The following SPATA31F3 variants were observed in gnomAD, a reference collection of about 807,000 sequenced individuals.
SPATA31F3 encodes the protein protein SPATA31F3.
At chr9:34,890,462 C>T in the SPATA31F3 span, among the ~76,000 whole-genome samples, 1 of 152,198 alleles carries the variant, frequency 6.6e-6, no homozygotes, top group South Asian at 2.1e-4. Context: ...TGTCATGTCT[C>T]CACTGGGTGT....
At chr9:34,893,131 T>A in the SPATA31F3 span, 1 of 772,388 alleles carries the variant, frequency 1.3e-6, no homozygotes, top group Non-Finnish European at 1.9e-6. Flanking sequence ...GCACACTTCC[T>A]TCCTGAGGAA....
the SPATA31F3 span, chr9:34,892,790 C>G: frequency 1.7e-6 from 1 of 595,148 alleles, no homozygotes; most frequent in Non-Finnish European, 3.0e-6. Flanking sequence ...AGATCTCTGT[C>G]CTCGCTGAAA....
At chr9:34,895,183 GT>G in the SPATA31F3 span, 3 of 397,894 alleles carry the variant, frequency 7.5e-6, no homozygotes, top group Non-Finnish European at 1.3e-5. Context: ...CTTTTTCTGT[GT>G]TCCAATTTTA....
At chr9:34,891,896 A>G in the SPATA31F3 span, among the ~76,000 whole-genome samples, 1 of 152,292 alleles carries the variant, frequency 6.6e-6, no homozygotes, top group East Asian at 1.9e-4. Flanking sequence ...ACTTAGCCTG[A>G]GTCAGATATA....
At chr9:34,892,600 G>A in the SPATA31F3 span, 1 of 444,974 alleles carries the variant, frequency 2.2e-6, no homozygotes, top group Admixed American at 3.7e-5. Context: ...TGTTGTTGTA[G>A]GTTTGGGAGC....
the SPATA31F3 span, among the ~76,000 whole-genome samples, chr9:34,890,895 A>G: frequency 6.6e-6 from 1 of 151,586 alleles, no homozygotes; most frequent in African/African-American, 2.4e-5. Flanking sequence ...GAACACTTGT[A>G]CGTTATCTAC....
chr9:34,891,098 A>G, the SPATA31F3 span, among the ~76,000 whole-genome samples: 1 of 152,188 alleles, frequency 6.6e-6, no homozygotes, highest in Non-Finnish European at 1.5e-5. Context: ...ACTTGTCTCA[A>G]GTTTCTCAGT....
At chr9:34,889,366 AGGCACTGG>A in the SPATA31F3 span, 1 of 398,522 alleles carries the variant, frequency 2.5e-6, no homozygotes, top group Admixed American at 4.4e-5. Flanking sequence ...CAGATTATTT[AGGCACTGG>A]GGGCATCACA....
At chr9:34,890,262 G>A in the SPATA31F3 span, among the ~76,000 whole-genome samples, 1 of 152,204 alleles carries the variant, frequency 6.6e-6, no homozygotes, top group African/African-American at 2.4e-5. Flanking sequence ...CTCCAGTGCT[G>A]TCCAGACACC....
the SPATA31F3 span, chr9:34,894,650 C>T: frequency 1.8e-5 from 7 of 396,730 alleles, no homozygotes; most frequent in South Asian, 1.4e-4. Flanking sequence ...TAACCGTTTA[C>T]GATGTGTTGT....
chr9:34,891,801 G>C, the SPATA31F3 span, among the ~76,000 whole-genome samples: 2 of 152,164 alleles, frequency 1.3e-5, no homozygotes, highest in African/African-American at 2.4e-5. Flanking sequence ...TGATTTCCTG[G>C]ATCTACAGAG....
chr9:34,894,417 A>G, the SPATA31F3 span: 2 of 398,468 alleles, frequency 5.0e-6, no homozygotes, highest in Non-Finnish European at 8.8e-6. Context: ...AGCAGCTGGG[A>G]GACTGCAAAG....
At chr9:34,891,290 C>T in the SPATA31F3 span, among the ~76,000 whole-genome samples, 1 of 152,238 alleles carries the variant, frequency 6.6e-6, no homozygotes, top group Admixed American at 6.5e-5. Context: ...CGCCAAGTTG[C>T]TTCCCAGGCC....
At chr9:34,892,828 G>GTCTGCACC in the SPATA31F3 span, 1 of 688,602 alleles carries the variant, frequency 1.5e-6, no homozygotes, top group Non-Finnish European at 2.7e-6. Context: ...CTTGGACGCT[G>GTCTGCACC]TCTGCACCAG....
the SPATA31F3 span, among the ~76,000 whole-genome samples, chr9:34,890,668 C>T: frequency 1.3e-5 from 2 of 152,160 alleles, no homozygotes; most frequent in Non-Finnish European, 2.9e-5. Context: ...TCTTTAGACT[C>T]CTAAAGGATC....
At chr9:34,891,075 C>T in the SPATA31F3 span, among the ~76,000 whole-genome samples, 1,079 of 152,282 alleles carry the variant, frequency 7.1e-3, 14 homozygotes, top group African/African-American at 0.025. Context: ...GCAGCCCTGA[C>T]AGAAGGGCCA....
chr9:34,890,547 T>C, the SPATA31F3 span, among the ~76,000 whole-genome samples: 2 of 152,192 alleles, frequency 1.3e-5, no homozygotes, highest in Non-Finnish European at 2.9e-5. Context: ...GCACTGTCTT[T>C]AGTTCAACGG....
chr9:34,891,053 A>T, the SPATA31F3 span, among the ~76,000 whole-genome samples: 1 of 152,038 alleles, frequency 6.6e-6, no homozygotes, highest in Admixed American at 6.6e-5. Context: ...AGAGCCACAT[A>T]ATAGAGAGCA....
At chr9:34,895,524 G>A in the SPATA31F3 span, 2 of 398,354 alleles carry the variant, frequency 5.0e-6, no homozygotes, top group Non-Finnish European at 8.8e-6. Context: ...AAAGCTCGGG[G>A]ATAAAATCTT....
Sources: allele counts gnomAD v4.1 joint callset (sites outside exome capture counted in the v4.1 genomes callset), GRCh38; gene constraint gnomAD v4.1.1; transcripts MANE v1.5; gene names NCBI Gene and HGNC (gene_info 2026-07-23, HGNC 2026-07-21).